SLC51B: variants seen among roughly 807,000 people sequenced by gnomAD.
SLC51B encodes the protein organic solute transporter subunit beta.
In SLC51B, 6 loss-of-function variants were observed where a neutral mutation model predicts 8.0. The ratio of observed to expected loss-of-function variants is 0.75; its 90% CI spans 0.41 to 1.48. The LOEUF (loss-of-function observed/expected upper bound fraction) is 1.48. SLC51B is among the 40% of genes most tolerant of loss of function. The pLI is 0.01. For synonymous variants in SLC51B, 61 were observed against 54.8 expected (o/e 1.11, Z -0.50); for missense variants, 150 against 149.7 (o/e 1.00, Z -0.01).
intron 2 of SLC51B, among the ~76,000 whole-genome samples, chr15:65,050,830 C>CTTTTTTTTTTTTT (rs1206139825): frequency 4.1e-5 from 2 of 48,534 alleles, no homozygotes; most frequent in African/African-American, 1.1e-4. Flanking sequence ...CTTTCTTCTT[C>CTTTTTTTTTTTTT]TTCTTCTTTT....
Position 65,053,282 on chromosome 15 carries a change from CTT to C in SLC51B, c.*120_*121del. Reference sequence around the variant, plus strand: ...AGAAGCCGCTTTTTTCTTTTTCTTTCTTTCTTTTTTTTTTTCTTAGCAGATAC... The same window carrying C: ...AGAAGCCGCTTTTTTCTTTTTCTTTCTCTTTTTTTTTTTCTTAGCAGATAC... On this transcript the variant is annotated 3_prime_UTR_variant, in exon 4 of 4. Coordinates refer to ENST00000334287, the MANE Select transcript of SLC51B (RefSeq NM_178859.4). 7.0e-7 allele frequency: 1 copy of C among 1,428,046 alleles called. No homozygotes were observed. Among genetic ancestry groups the C allele is most frequent in the Non-Finnish European group, 9.1e-7 (1 of 1,094,378 alleles). 88.5% of individuals were successfully genotyped at this position (1,428,046 alleles called of 1,614,324 possible).
In SLC51B at chr15:65,045,420, GC is replaced by G. The variant is rs1427399866; in HGVS notation, c.-270del. ...TACCAGATGGGTCCAGCTGCCGCAG[GC>G]TCTCCAGGCACTGTCCCCTAAGTGA... On this transcript the variant is annotated 5_prime_UTR_variant, in exon 1 of 4. It removes the in-frame stop codon of an upstream open reading frame in the 5' UTR. Transcript: ENST00000334287. The G allele has an allele frequency of 6.6e-6, 1 of 152,314 alleles. No individual in the cohort carries two copies. The highest frequency in any genetic ancestry group is 1.5e-5 in the Non-Finnish European group (1 of 68,096). 9.4% of individuals were successfully genotyped at this position (152,314 alleles called of 1,614,324 possible). A position where few individuals can be genotyped will look rare whatever the true frequency, so the allele number is the denominator to read the frequency against.
chr15:65,049,801 T>C (rs2086625555), intron 1 of SLC51B, 96 bp from the exon 2 acceptor site: 3 of 436,590 alleles, frequency 6.9e-6, no homozygotes, highest in Non-Finnish European at 1.2e-5. Flanking sequence ...GTCGTTTTTG[T>C]CCCATAACTT....
At chr15:65,051,636 G>T in intron 3 of SLC51B, 31 bp downstream of exon 3, 1 of 1,604,018 alleles carries the variant, frequency 6.2e-7, no homozygotes, top group Non-Finnish European at 8.5e-7. Flanking sequence ...GGATGGGGTG[G>T]TCTCTGTGGG....
rs535485677 is a variant in SLC51B at position 65,046,965 on chromosome 15, C to T, written c.-109+1383C>T. 5.9e-5 allele frequency among the ~76,000 whole-genome samples: 9 copies of T among 152,188 alleles called. No individual in the cohort carries two copies. In the South Asian group the frequency reaches 1.0e-3, roughly 18 times the overall value. On this transcript the variant is annotated intron_variant, in intron 1 of 3. Coordinates refer to ENST00000334287, the MANE Select transcript of SLC51B (RefSeq NM_178859.4). ...TCCACTGTGGACAATAGCTTACCTG[C>T]GTCTTTGTACACTGATCTGATTAGT...
chr15:65,048,658 C>T (rs1235371082), intron 1 of SLC51B, among the ~76,000 whole-genome samples: 2 of 152,188 alleles, frequency 1.3e-5, no homozygotes, highest in East Asian at 1.9e-4. Flanking sequence ...TTCCTACTCC[C>T]TTCCTCCTCC....
rs1415131823 is a variant in SLC51B at position 65,045,496 on chromosome 15, C to T, written c.-195C>T. 1 of 152,232 alleles carries T rather than the reference C, an allele frequency of 6.6e-6. No homozygotes were observed. The highest frequency in any genetic ancestry group is 1.5e-5 in the Non-Finnish European group (1 of 68,060). 9.4% of individuals were successfully genotyped at this position (152,232 alleles called of 1,614,324 possible). A position where few individuals can be genotyped will look rare whatever the true frequency, so the allele number is the denominator to read the frequency against. On this transcript the variant is annotated 5_prime_UTR_variant, in exon 1 of 4. Transcript: ENST00000334287. ...CAAGTGCAAAGACTATCCTGTTCTC[C>T]CATAAAGAGGAGGAAAAGGAAGATA... is the stretch of plus-strand genomic sequence containing the variant.
At chr15:65,050,207 C>A in intron 2 of SLC51B, 106 bp downstream of exon 2, 1 of 867,896 alleles carries the variant, frequency 1.2e-6, no homozygotes, top group Non-Finnish European at 1.8e-6. Context: ...TCAGGCGGTA[C>A]ATTTCCTCCA....
Position 65,053,342 on chromosome 15 carries a change from T to C in SLC51B, c.*178T>C. 3 of 1,418,864 alleles carry C rather than the reference T, an allele frequency of 2.1e-6. No homozygotes were observed. Among genetic ancestry groups the C allele is most frequent in the Non-Finnish European group, 1.8e-6 (2 of 1,094,534 alleles). The allele number at this position is 1,418,864 out of a possible 1,614,324, so 87.9% of individuals were successfully genotyped here. ...GAACTGCAAGCAAACTAAAATTCTG[T>C]TATTAAAAAAAATCTTTTATTAAAA... On this transcript the variant is annotated 3_prime_UTR_variant, in exon 4 of 4. Transcript: ENST00000334287.
intron 1 of SLC51B, among the ~76,000 whole-genome samples, chr15:65,047,807 A>AGATG (rs1328423172): frequency 1.3e-5 from 2 of 148,242 alleles, no homozygotes; most frequent in African/African-American, 5.0e-5. Context: ...ATAGATAGAT[A>AGATG]GATAGATAGA....
intron 1 of SLC51B, among the ~76,000 whole-genome samples, chr15:65,048,806 C>T (rs1443546590): frequency 1.3e-5 from 2 of 152,052 alleles, no homozygotes; most frequent in South Asian, 2.1e-4. Flanking sequence ...GTCAAGAGTT[C>T]GAGACCAGCC....
At chr15:65,049,667 T>G (rs2086624199) in intron 1 of SLC51B, 1 of 173,496 alleles carries the variant, frequency 5.8e-6, no homozygotes, top group South Asian at 1.7e-4. Flanking sequence ...CGCCAGTGGC[T>G]CAGTCCTCCT....
At position 65,050,001 on chromosome 15, in the gene SLC51B, G is replaced by A. The variant is rs749508267; in HGVS notation, c.-4G>A. ...TCGTTGCACACGCTACCAGGAGCAG[G>A]GGCATGGAGCACAGTGAGGGGGCTC... On this transcript the variant is annotated 5_prime_UTR_variant, in exon 2 of 4. Transcript: ENST00000334287. 32 of 1,550,294 alleles carry A rather than the reference G, an allele frequency of 2.1e-5. No homozygotes were observed. Among genetic ancestry groups the A allele is most frequent in the Non-Finnish European group, 2.5e-5 (29 of 1,146,218 alleles).
intron 3 of SLC51B, 140 bp downstream of exon 3, chr15:65,051,745 C>T (rs1408266839): frequency 7.6e-6 from 5 of 659,206 alleles, no homozygotes. Context: ...CTTCAGTGTC[C>T]TTCGAGAACC....
At chr15:65,047,776 A>G (rs777247008) in intron 1 of SLC51B, among the ~76,000 whole-genome samples, 1 of 144,680 alleles carries the variant, frequency 6.9e-6, no homozygotes, top group Non-Finnish European at 1.5e-5. Context: ...ATAGATAGAT[A>G]GACAGATAGA....
chr15:65,049,711 T>C, intron 1 of SLC51B, 186 bp from the exon 2 acceptor site: 1 of 251,106 alleles, frequency 4.0e-6, no homozygotes, highest in African/African-American at 2.2e-5. Context: ...ACACATGCGA[T>C]GGCTTTTAAT....
At chr15:65,050,173 C>G (rs1034355301) in intron 2 of SLC51B, 72 bp downstream of exon 2, 1 of 1,243,232 alleles carries the variant, frequency 8.0e-7, no homozygotes, top group Non-Finnish European at 1.1e-6. Flanking sequence ...GGCTGAAGGT[C>G]CTGACACTGT....
chr15:65,052,851 T>C, intron 3 of SLC51B, 115 bp from the exon 4 acceptor site: 2 of 878,252 alleles, frequency 2.3e-6, no homozygotes, highest in East Asian at 2.6e-5. Flanking sequence ...TCTCCTCTAG[T>C]AGCTCCCAAA....
In SLC51B at chr15:65,049,892, T is replaced by C. The variant is rs60518576; in HGVS notation, c.-108-5T>C. ...ATCCAGTCATGCTGTCTGCTTTGTT[T>C]CCAGGGGTCTTCACGGCTTCTCTGC... is the stretch of plus-strand genomic sequence containing the variant. On this transcript the variant is annotated splice_polypyrimidine_tract_variant and splice_region_variant and intron_variant, in intron 1 of 3. Transcript: ENST00000334287. The C allele has an allele frequency of 2.5e-5, 17 of 679,048 alleles. No individual in the cohort carries two copies. In the South Asian group the frequency reaches 3.6e-4, roughly 14 times the overall value. The allele number at this position is 679,048 out of a possible 1,614,324, so 42.1% of individuals were successfully genotyped here. A position where few individuals can be genotyped will look rare whatever the true frequency, so the allele number is the denominator to read the frequency against.
Sources: allele counts gnomAD v4.1 joint callset (sites outside exome capture counted in the v4.1 genomes callset), GRCh38; gene constraint gnomAD v4.1.1; transcripts MANE v1.5; gene names NCBI Gene and HGNC (gene_info 2026-07-23, HGNC 2026-07-21).